ZNF224: variants seen among roughly 807,000 people sequenced by gnomAD.
The protein encoded by ZNF224 is zinc finger protein 224, also known as bone marrow zinc finger 2.
Under a neutral mutation model 10.5 loss-of-function variants are expected in ZNF224, and 8 were observed. The observed-to-expected ratio is 0.76, with a 90% confidence interval of 0.45 to 1.37. The LOEUF is 1.37. Ranked by LOEUF, ZNF224 falls within the 40% of genes most tolerant of loss-of-function variation. The pLI, the probability that ZNF224 is intolerant of heterozygous loss-of-function variation, is 0.00. For synonymous variants in ZNF224, 282 were observed against 287.8 expected, an observed-to-expected ratio of 0.98 and a Z score of 0.20; for missense variants, 754 against 854.0, an observed-to-expected ratio of 0.88 and a Z score of 1.46.
intron 1 of ZNF224, chr19:44,095,851 G>A (rs1405993826): frequency 2.0e-5 from 3 of 150,812 alleles, no homozygotes; most frequent in African/African-American, 7.3e-5. Flanking sequence ...TTGAATCTGG[G>A]AGGCGGAGGT....
chr19:44,106,281 C>T (rs1967657528), intron 5 of ZNF224, 115 bp from the exon 6 acceptor site: 5 of 1,118,330 alleles, frequency 4.5e-6, no homozygotes, highest in Admixed American at 2.7e-5. Context: ...TTGAAAAATA[C>T]AAACTGAATG....
chr19:44,099,967 T>C (rs1337998875), intron 3 of ZNF224, among the ~76,000 whole-genome samples: 1 of 152,192 alleles, frequency 6.6e-6, no homozygotes, highest in Non-Finnish European at 1.5e-5. Flanking sequence ...GATATAAAAT[T>C]AAATATTCAT....
At chr19:44,102,559 C>A (rs533402399) in intron 5 of ZNF224, among the ~76,000 whole-genome samples, 29 of 152,256 alleles carry the variant, frequency 1.9e-4, no homozygotes, top group African/African-American at 5.5e-4. Flanking sequence ...TATTGCAGAA[C>A]ATGTTTTTTG....
At chr19:44,097,535 C>T (rs895503597) in intron 2 of ZNF224, among the ~76,000 whole-genome samples, 8 of 152,150 alleles carry the variant, frequency 5.3e-5, no homozygotes, top group African/African-American at 1.2e-4. Flanking sequence ...TTTCATTTAG[C>T]AATAATGTTT....
intron 2 of ZNF224, among the ~76,000 whole-genome samples, chr19:44,097,370 A>C (rs534865280): frequency 1.3e-5 from 2 of 152,318 alleles, no homozygotes; most frequent in South Asian, 2.1e-4. Flanking sequence ...TGATCATTTC[A>C]TGCTCATATT....
Position 44,108,013 on chromosome 19 carries a change from A to C in ZNF224, c.1853A>C (p.His618Pro). Residue 618 changes from histidine to proline, a missense_variant, in exon 6 of 6, where the codon CAC becomes CCC. His to Pro is a moderately conservative substitution (Grantham distance 77). Transcript: ENST00000693561. ...ACTCGTCTGACCCATCAGAGACGCC[A>C]CAGCAGAGAAACACCTCTCAAATGT... The part of the protein sequence containing the change: ...SSTRLTHQRR[H>P]SRETPLKCEQ... 3.1e-6 allele frequency: 5 copies of C among 1,614,246 alleles called. No individual in the cohort carries two copies. The highest frequency in any genetic ancestry group is 4.2e-6 in the Non-Finnish European group (5 of 1,180,040).
At position 44,107,399 on chromosome 19, in the gene ZNF224, A is replaced by G; in HGVS notation, c.1239A>G (p.Ser413=). 6.2e-7 allele frequency: 1 copy of G among 1,608,104 alleles called. No individual in the cohort carries two copies. The highest frequency in any genetic ancestry group is 2.2e-5 in the East Asian group (1 of 44,852). The change falls in exon 6 of 6, where the codon TCA becomes TCG. Residue 413 remains serine (S), a synonymous_variant. Transcript: ENST00000693561. The part of the protein sequence containing the change: ...EECGKGFYTN[S]QCYSHQRSHS... ...GTGGGAAAGGATTTTACACAAATTCACAATGCTATTCCCACCAGAGATCCC... is the reference window on the plus strand; with the variant it reads ...GTGGGAAAGGATTTTACACAAATTCGCAATGCTATTCCCACCAGAGATCCC...
intron 3 of ZNF224, among the ~76,000 whole-genome samples, chr19:44,098,168 G>C (rs546176118): frequency 6.6e-6 from 1 of 152,186 alleles, no homozygotes; most frequent in South Asian, 2.1e-4. Flanking sequence ...TTTATCCTGT[G>C]ATACTCTTCC....
In ZNF224 at chr19:44,108,202, A is replaced by C; in HGVS notation, c.2042A>C (p.Lys681Thr). Reference protein sequence around the residue: ...QRVHMGEKTWKCRECDMCFSQ... With the variant: ...QRVHMGEKTWTCRECDMCFSQ... ...GTCCACATGGGAGAGAAAACATGGAAGTGTAGGGAGTGTGATATGTGCTTT... is the reference window on the plus strand; with the variant it reads ...GTCCACATGGGAGAGAAAACATGGACGTGTAGGGAGTGTGATATGTGCTTT... Residue 681 changes from lysine to threonine, a missense_variant, in exon 6 of 6, where the codon AAG becomes ACG. Transcript: ENST00000693561. The C allele has an allele frequency of 2.5e-6, 4 of 1,614,194 alleles. No homozygotes were observed. Among genetic ancestry groups the C allele is most frequent in the Non-Finnish European group, 3.4e-6 (4 of 1,180,022 alleles).
At chr19:44,098,301 G>A (rs1475625096) in intron 3 of ZNF224, among the ~76,000 whole-genome samples, 1 of 152,126 alleles carries the variant, frequency 6.6e-6, no homozygotes, top group African/African-American at 2.4e-5. Flanking sequence ...TTTAATCGAT[G>A]TTCCTTTTTA....
Position 44,108,461 on chromosome 19 carries a change from C to T in ZNF224, c.*177C>T, listed in dbSNP as rs753394321. ...TCACCCATTCTTGGAAGAGGGAAAACATTTGTTTAAGATAACATCAGTGCT... is the reference window on the plus strand; with the variant it reads ...TCACCCATTCTTGGAAGAGGGAAAATATTTGTTTAAGATAACATCAGTGCT... On this transcript the variant is annotated 3_prime_UTR_variant, in exon 6 of 6. Transcript: ENST00000693561. 14 of 712,280 alleles carry T rather than the reference C, an allele frequency of 2.0e-5. No homozygotes were observed. Among genetic ancestry groups the T allele is most frequent in the East Asian group, 2.8e-5 (1 of 36,280 alleles). 44.1% of individuals were successfully genotyped at this position (712,280 alleles called of 1,614,324 possible).
chr19:44,107,373 T>C lies in ZNF224; in HGVS notation c.1213T>C (p.Cys405Arg). Reference sequence around the variant, plus strand: ...AGAAAAACCATTCAAATGTGAAGAATGTGGGAAAGGATTTTACACAAATTC... The same window carrying C: ...AGAAAAACCATTCAAATGTGAAGAACGTGGGAAAGGATTTTACACAAATTC... ...SGEKPFKCEE[C>R]GKGFYTNSQC... Residue 405 changes from cysteine (C) to arginine (R), a missense_variant, in exon 6 of 6, where the codon TGT becomes CGT. Physicochemically the swap from Cys to Arg is radical, Grantham distance 180. Coordinates refer to ENST00000693561, the MANE Select transcript of ZNF224 (RefSeq NM_001321645.3). The C allele has an allele frequency of 6.2e-7, 1 of 1,600,322 alleles. No individual in the cohort carries two copies. The highest frequency in any genetic ancestry group is 8.5e-7 in the Non-Finnish European group (1 of 1,174,668).
rs1339242448 is a variant in ZNF224 at position 44,109,367 on chromosome 19, CAG to C, written c.*1084_*1085del. 5 of 151,456 alleles carry C rather than the reference CAG, an allele frequency of 3.3e-5. No homozygotes were observed. Among genetic ancestry groups the C allele is most frequent in the Admixed American group, 1.3e-4 (2 of 15,178 alleles). The allele number at this position is 151,456 out of a possible 1,614,324, so 9.4% of individuals were successfully genotyped here. A position where few individuals can be genotyped will look rare whatever the true frequency, so the allele number is the denominator to read the frequency against. ...TATAAAATATTCTAAATTTGAATGA[CAG>C]CTTTTGTCAACCTTCTTATCCAATA... On this transcript the variant is annotated 3_prime_UTR_variant, in exon 6 of 6. Transcript: ENST00000693561.
At chr19:44,099,770 T>C (rs1273136816) in intron 3 of ZNF224, among the ~76,000 whole-genome samples, 2 of 152,140 alleles carry the variant, frequency 1.3e-5, no homozygotes, top group Non-Finnish European at 2.9e-5. Flanking sequence ...TGCTTTTGGC[T>C]ATGTTAAGAA....
chr19:44,100,713 C>A (rs531133727), intron 3 of ZNF224, 88 bp from the exon 4 acceptor site: 13 of 1,487,134 alleles, frequency 8.7e-6, no homozygotes, highest in African/African-American at 4.2e-5. Context: ...AAACAACTTC[C>A]CACCCCTCCC....
intron 3 of ZNF224, among the ~76,000 whole-genome samples, chr19:44,099,422 G>A (rs551240764): frequency 5.1e-4 from 78 of 152,274 alleles, no homozygotes; most frequent in African/African-American, 1.8e-3. Flanking sequence ...AGAATCTTAT[G>A]CCCAGACCAG....
In ZNF224 at chr19:44,107,306, A is replaced by G. The variant is rs370962042; in HGVS notation, c.1146A>G (p.Arg382=). The G allele has an allele frequency of 6.3e-6, 10 of 1,584,522 alleles. No individual in the cohort carries two copies. The African/African-American group carries it at 9.5e-5, about 15-fold the overall frequency. Residue 382 remains arginine (R), a synonymous_variant, in exon 6 of 6, where the codon AGA becomes AGG. Coordinates refer to ENST00000693561, the MANE Select transcript of ZNF224 (RefSeq NM_001321645.3). ...YNCKECGKSF[R]WASCLLKHQR... ...GTAAAGAGTGTGGGAAGAGCTTCAGATGGGCCTCGTGTCTTTTGAAACATC... is the reference window on the plus strand; with the variant it reads ...GTAAAGAGTGTGGGAAGAGCTTCAGGTGGGCCTCGTGTCTTTTGAAACATC...
chr19:44,100,333 T>C (rs1250815557), intron 3 of ZNF224, among the ~76,000 whole-genome samples: 1 of 152,178 alleles, frequency 6.6e-6, no homozygotes, highest in Non-Finnish European at 1.5e-5. Context: ...ACTCACTGCA[T>C]AACTACTCAA....
intron 3 of ZNF224, among the ~76,000 whole-genome samples, 191 bp downstream of exon 3, chr19:44,098,079 T>C (rs1967476886): frequency 6.6e-6 from 1 of 152,212 alleles, no homozygotes; most frequent in Non-Finnish European, 1.5e-5. Flanking sequence ...CTTCTATCAT[T>C]TATTCTATGG....
Sources: gnomAD v4.1 joint callset for allele counts (sites outside exome capture counted in the v4.1 genomes callset) on GRCh38, gnomAD v4.1.1 for gene constraint, MANE v1.5 for transcripts, NCBI Gene and HGNC (gene_info 2026-07-23, HGNC 2026-07-21) for gene names.